Variants in XKR6 observed in about 807,000 individuals in gnomAD.
XKR6 encodes XK related 6, also known as XK-related protein 6.
XKR6 carries 22 observed loss-of-function variants against 56.7 expected under a neutral mutation model. That is an observed-to-expected ratio of 0.39 (90% CI 0.28 to 0.55). The LOEUF (loss-of-function observed/expected upper bound fraction) is 0.55. Ranked by LOEUF, XKR6 falls within the 20% of genes least tolerant of loss-of-function variation. The pLI is 0.66. For missense variants in XKR6, 852 were observed against 889.0 expected (o/e 0.96, Z 0.53); for synonymous variants, 524 against 387.8 (o/e 1.35, Z -4.13).
chr8:11,160,173 A>C (rs1382510633), intron 1 of XKR6, among the ~76,000 whole-genome samples: 1 of 152,176 alleles, frequency 6.6e-6, no homozygotes, highest in East Asian at 1.9e-4. Flanking sequence ...AGAAATAATC[A>C]CATATGAAGA....
intron 1 of XKR6, among the ~76,000 whole-genome samples, chr8:11,168,758 G>C (rs1802213403): frequency 6.6e-6 from 1 of 152,156 alleles, no homozygotes; most frequent in Non-Finnish European, 1.5e-5. Context: ...GAAACAGCCT[G>C]AAAAATCAGG....
intron 1 of XKR6, among the ~76,000 whole-genome samples, chr8:11,021,348 C>T (rs1798745042): frequency 6.6e-6 from 1 of 152,178 alleles, no homozygotes; most frequent in African/African-American, 2.4e-5. Context: ...TGATGGACTG[C>T]TGAGAGTTTC....
At chr8:11,048,810 C>T (rs1490654765) in intron 1 of XKR6, among the ~76,000 whole-genome samples, 68 of 152,208 alleles carry the variant, frequency 4.5e-4, no homozygotes, top group Non-Finnish European at 2.2e-4. Context: ...TGGTTCTGGG[C>T]CAGGCCTACA....
At chr8:11,062,844 T>C (rs766198433) in intron 1 of XKR6, 22 of 456,026 alleles carry the variant, frequency 4.8e-5, no homozygotes, top group African/African-American at 4.2e-4. Flanking sequence ...TGCGCCTGAG[T>C]TCTAGCCAAT....
At chr8:10,924,883 C>T in intron 1 of XKR6, 53 bp from the exon 2 acceptor site, 1 of 1,549,768 alleles carries the variant, frequency 6.5e-7, no homozygotes, top group Non-Finnish European at 8.8e-7. Context: ...GCAGGGGCTC[C>T]AGAGGACCCT....
intron 1 of XKR6, among the ~76,000 whole-genome samples, chr8:11,087,209 C>T (rs903042339): frequency 1.3e-5 from 2 of 152,174 alleles, no homozygotes; most frequent in Non-Finnish European, 2.9e-5. Context: ...GTTGAAATAT[C>T]GCTAAGTCTA....
At chr8:10,975,074 C>T (rs996425019) in intron 1 of XKR6, among the ~76,000 whole-genome samples, 5 of 152,336 alleles carry the variant, frequency 3.3e-5, no homozygotes, top group Non-Finnish European at 7.4e-5. Flanking sequence ...CCTATCTCTC[C>T]TAGAGGCCTC....
chr8:10,898,308 G>C lies in XKR6; in HGVS notation c.1570C>G (p.Pro524Ala), dbSNP rs1425080319. The stretch of plus-strand genomic sequence containing the variant: ...TCAGGCGCCATGGGCTCAACATCGG[G>C]GGGCAAAGGGATGCCCCAGAGCAGC... The part of the protein sequence containing the change: ...AELLWGIPLP[P>A]DVEPMAPEIP... Residue 524 changes from proline (P) to alanine (A), a missense_variant, in exon 3 of 3, where the codon CCC (proline) becomes GCC (alanine). By Grantham distance (27) the Pro-to-Ala change is conservative (BLOSUM62 -1). Transcript: ENST00000416569. This position sits in a 1 kb window ranked among gnomAD's most constrained non-coding sequence, Gnocchi z 6.6. 1 of 1,613,946 alleles carries C rather than the reference G, an allele frequency of 6.2e-7. No individual in the cohort carries two copies. Among genetic ancestry groups the C allele is most frequent in the East Asian group, 2.2e-5 (1 of 44,872 alleles).
intron 1 of XKR6, among the ~76,000 whole-genome samples, chr8:10,928,145 G>A (rs1250444831): frequency 6.6e-6 from 1 of 152,202 alleles, no homozygotes; most frequent in East Asian, 1.9e-4. Flanking sequence ...TTATAGTGGA[G>A]GGCCCAGGTG....
intron 1 of XKR6, among the ~76,000 whole-genome samples, chr8:11,186,292 T>C (rs771169218): frequency 8.5e-5 from 13 of 152,182 alleles, no homozygotes; most frequent in Non-Finnish European, 1.9e-4. Context: ...GTGAAGGTGT[T>C]GCCCAGCCAC....
chr8:11,125,272 A>G (rs1799717402), intron 1 of XKR6, among the ~76,000 whole-genome samples: 1 of 152,040 alleles, frequency 6.6e-6, no homozygotes, highest in African/African-American at 2.4e-5. Flanking sequence ...TCTTCCTGCA[A>G]GAGGGGCCAG....
At chr8:11,120,587 A>G (rs1799402429) in intron 1 of XKR6, among the ~76,000 whole-genome samples, 2 of 152,150 alleles carry the variant, frequency 1.3e-5, no homozygotes, top group African/African-American at 2.4e-5. Flanking sequence ...GGAAGAATCA[A>G]TATCGTGAAA....
At chr8:10,978,435 CA>C (rs1797638507) in intron 1 of XKR6, among the ~76,000 whole-genome samples, 2 of 152,278 alleles carry the variant, frequency 1.3e-5, no homozygotes, top group South Asian at 4.1e-4. Flanking sequence ...CCATCTCAAA[CA>C]AATTAAATAA....
At chr8:10,918,628 G>C (rs1800628559) in intron 2 of XKR6, among the ~76,000 whole-genome samples, 1 of 152,208 alleles carries the variant, frequency 6.6e-6, no homozygotes, top group Non-Finnish European at 1.5e-5. Flanking sequence ...AGAGATCCCA[G>C]CTCTACCACT....
rs148293640 is a variant in XKR6 at position 10,949,239 on chromosome 8, A to G, written c.765-24409T>C. Reference sequence around the variant, plus strand: ...CCTCCATAAGATAAAGAGCGGAACAACCGTTTCTAAGTCCCTTCCATGCCT... The same window carrying G: ...CCTCCATAAGATAAAGAGCGGAACAGCCGTTTCTAAGTCCCTTCCATGCCT... On this transcript the variant is annotated intron_variant, in intron 1 of 2. Transcript: ENST00000416569. 7.6e-3 allele frequency among the ~76,000 whole-genome samples: 1,161 copies of G among 152,268 alleles called. 15 individuals carry two copies. Among genetic ancestry groups the G allele is most frequent in the African/African-American group, 0.027 (1,112 of 41,548 alleles).
At chr8:11,064,089 T>A (rs1799917442) in intron 1 of XKR6, among the ~76,000 whole-genome samples, 1 of 152,218 alleles carries the variant, frequency 6.6e-6, no homozygotes, top group Non-Finnish European at 1.5e-5. Context: ...CTTTCATGTA[T>A]CACTTCCTCG....
chr8:11,076,849 A>G (rs1800287213), intron 1 of XKR6, among the ~76,000 whole-genome samples: 1 of 152,186 alleles, frequency 6.6e-6, no homozygotes, highest in Admixed American at 6.5e-5. Flanking sequence ...TCAGGCCTTT[A>G]CAAGTAATAG....
chr8:11,014,699 G>A (rs896179181), intron 1 of XKR6, among the ~76,000 whole-genome samples: 4 of 152,132 alleles, frequency 2.6e-5, no homozygotes, highest in African/African-American at 7.2e-5. Context: ...TTGCCTCATG[G>A]GTAGCAGCGT....
intron 1 of XKR6, among the ~76,000 whole-genome samples, chr8:10,987,441 A>G (rs748931508): frequency 6.6e-6 from 1 of 152,192 alleles, no homozygotes; most frequent in Non-Finnish European, 1.5e-5. Context: ...CACACACCCC[A>G]TATCCAATGT....
Sources: allele counts gnomAD v4.1 joint callset (sites outside exome capture counted in the v4.1 genomes callset), GRCh38; gene constraint gnomAD v4.1.1; non-coding constraint Gnocchi (gnomAD v3.1); transcripts MANE v1.5; gene names NCBI Gene and HGNC (gene_info 2026-07-23, HGNC 2026-07-21).